Variants in ADAMTS5 observed in about 807,000 individuals in gnomAD.
ADAMTS5 encodes the protein A disintegrin and metalloproteinase with thrombospondin motifs 5.
In ADAMTS5, 54 loss-of-function variants were observed where a neutral mutation model predicts 81.4. The observed-to-expected ratio is 0.66, with a 90% confidence interval of 0.53 to 0.83. The LOEUF (loss-of-function observed/expected upper bound fraction) is 0.83. Among genes scored for constraint, ADAMTS5 ranks in the 40% least tolerant of loss-of-function variants. ADAMTS5 has a pLI of 0.00. For synonymous variants in ADAMTS5, 532 were observed against 508.8 expected (o/e 1.05, Z -0.61); for missense variants, 1,194 against 1,229.9 (o/e 0.97, Z 0.44).
At position 26,924,231 on chromosome 21, in the gene ADAMTS5, G is replaced by T. The variant is rs777947968; in HGVS notation, c.2615C>A (p.Ser872Ter). 27 of 1,614,196 alleles carry T rather than the reference G, an allele frequency of 1.7e-5. No individual in the cohort carries two copies. The African/African-American group carries it at 3.5e-4, about 21-fold the overall frequency. ...GACCCACTGCGGCTGCGAAGTGTGT[G>T]ATCCCACTTTATTGCTGCCATGACT... ...VTSHGSNKVG[S>*]HTSQPQWVTG... The change falls in exon 8 of 8, where the codon TCA (serine) becomes TAA (stop). Residue 872 changes from serine to a stop codon, truncating the protein, a stop_gained. Coordinates refer to ENST00000284987, the MANE Select transcript of ADAMTS5 (RefSeq NM_007038.5). LOFTEE classifies it high-confidence loss of function.
chr21:26,932,464 A>G (rs1003817059), intron 5 of ADAMTS5, among the ~76,000 whole-genome samples: 8 of 152,072 alleles, frequency 5.3e-5, no homozygotes, highest in African/African-American at 1.9e-4. Context: ...GGGGCCGAGG[A>G]GGGTGGATCA....
chr21:26,923,969 G>C lies in ADAMTS5; in HGVS notation c.*84C>G, dbSNP rs1034272749. ...ATGTCACTGAAGCATGACTTTCTGTGCGTTAGGTAGACCTCCTGTTCACCA... is the reference window on the plus strand; with the variant it reads ...ATGTCACTGAAGCATGACTTTCTGTCCGTTAGGTAGACCTCCTGTTCACCA... On this transcript the variant is annotated 3_prime_UTR_variant, in exon 8 of 8. Coordinates refer to ENST00000284987, the MANE Select transcript of ADAMTS5 (RefSeq NM_007038.5). The C allele has an allele frequency of 7.3e-6, 10 of 1,364,936 alleles. No individual in the cohort carries two copies. In the East Asian group the frequency reaches 2.4e-4, roughly 32 times the overall value. The allele number at this position is 1,364,936 out of a possible 1,614,324, so 84.6% of individuals were successfully genotyped here. A position where few individuals can be genotyped will look rare whatever the true frequency, so the allele number is the denominator to read the frequency against.
Position 26,965,803 on chromosome 21 carries a change from C to G in ADAMTS5, c.589G>C (p.Gly197Arg). 6.2e-7 allele frequency: 1 copy of G among 1,607,218 alleles called. No homozygotes were observed. ...GGCGGCAGGGCCTCGAAGCTGAAGC[C>G]CTCGCGGGTGTAGACGTGCAGGATC... is the stretch of plus-strand genomic sequence containing the variant. ...ARILHVYTRE[G>R]FSFEALPPRA... is the part of the protein sequence containing the mutation. Residue 197 changes from glycine (G) to arginine (R), a missense_variant, in exon 1 of 8, where the codon GGC (glycine) becomes CGC (arginine). Gly to Arg is a moderately radical substitution (Grantham distance 125). Coordinates refer to ENST00000284987, the MANE Select transcript of ADAMTS5 (RefSeq NM_007038.5).
At chr21:26,957,751 A>G (rs1429856656) in intron 1 of ADAMTS5, among the ~76,000 whole-genome samples, 1 of 152,182 alleles carries the variant, frequency 6.6e-6, no homozygotes, top group Non-Finnish European at 1.5e-5. Flanking sequence ...GTTTTGTGGT[A>G]TGGTGTTGGC....
chr21:26,932,870 G>C lies in ADAMTS5; in HGVS notation c.1864C>G (p.Pro622Ala). 4 of 1,608,476 alleles carry C rather than the reference G, an allele frequency of 2.5e-6. No individual in the cohort carries two copies. Among genetic ancestry groups the C allele is most frequent in the Non-Finnish European group, 3.4e-6 (4 of 1,178,070 alleles). The change falls in exon 5 of 8, where the codon CCA becomes GCA. Residue 622 changes from proline (P) to alanine (A), a missense_variant. Physicochemically the swap from Pro to Ala is conservative, Grantham distance 27 (BLOSUM62 -1). Around this residue, in one of 2 missense-constraint regions of ADAMTS5, gnomAD observed 696 missense variants for 817.6 expected, o/e 0.85. Coordinates refer to ENST00000284987, the MANE Select transcript of ADAMTS5 (RefSeq NM_007038.5). ...IYRSCSLMPCPPNGKSFRHEQ... is the reference protein window; with the variant it reads ...IYRSCSLMPCAPNGKSFRHEQ... ...CTTGGGAGCAGCGTACCATTGGGTG[G>C]GCAGGGCATGAGACTGCAGGAGCGG...
chr21:26,966,188 G>A lies in ADAMTS5; in HGVS notation c.204C>T (p.Arg68=), dbSNP rs1351794980. 3 of 1,599,810 alleles carry A rather than the reference G, an allele frequency of 1.9e-6. No individual in the cohort carries two copies. The highest frequency in any genetic ancestry group is 8.5e-7 in the Non-Finnish European group (1 of 1,173,272). The change falls in exon 1 of 8, where the codon CGC becomes CGT. Residue 68 remains arginine (R), a synonymous_variant. Transcript: ENST00000284987. The stretch of plus-strand genomic sequence containing the variant: ...TGTTCTGCACCAGCCCCTTGCTCCT[G>A]CGCCGCTGCGCCAGGGGGTGCGGGT... ...PGHPHPLAQR[R]RSKGLVQNID...
At chr21:26,957,420 G>A (rs1987447549) in intron 1 of ADAMTS5, among the ~76,000 whole-genome samples, 1 of 144,768 alleles carries the variant, frequency 6.9e-6, no homozygotes, top group Non-Finnish European at 1.5e-5. Context: ...ACGGATATGT[G>A]TGTGTGTCTA....
intron 2 of ADAMTS5, among the ~76,000 whole-genome samples, chr21:26,949,124 C>A (rs940297228): frequency 6.7e-6 from 1 of 148,226 alleles, no homozygotes; most frequent in Non-Finnish European, 1.5e-5. Flanking sequence ...TATGAGTATT[C>A]TAGTAATCAG....
rs138256738 is a variant in ADAMTS5 at position 26,918,935 on chromosome 21, A to T, written c.*5118T>A. 25 of 152,056 alleles carry T rather than the reference A, an allele frequency of 1.6e-4. No homozygotes were observed. The highest frequency in any genetic ancestry group is 6.0e-4 in the African/African-American group (25 of 41,522). The allele number at this position is 152,056 out of a possible 1,614,324, so 9.4% of individuals were successfully genotyped here. Reference sequence around the variant, plus strand: ...CTCCTCAAATTTTAATGACCCCTTAAATGTCCTCAGATGCACATGCAGTTT... The same window carrying T: ...CTCCTCAAATTTTAATGACCCCTTATATGTCCTCAGATGCACATGCAGTTT... On this transcript the variant is annotated 3_prime_UTR_variant, in exon 8 of 8. Transcript: ENST00000284987.
intron 2 of ADAMTS5, among the ~76,000 whole-genome samples, chr21:26,947,118 A>G (rs1376410424): frequency 6.6e-6 from 1 of 152,248 alleles, no homozygotes; most frequent in East Asian, 1.9e-4. Flanking sequence ...TATAATCAGC[A>G]GACATGCAAA....
At position 26,919,096 on chromosome 21, in the gene ADAMTS5, G is replaced by A. The variant is rs1986637751; in HGVS notation, c.*4957C>T. ...AACTGTAAAATCATGTAGAAAAATAGTAACTCAAAAATACCACATTTGACA... is the reference window on the plus strand; with the variant it reads ...AACTGTAAAATCATGTAGAAAAATAATAACTCAAAAATACCACATTTGACA... On this transcript the variant is annotated 3_prime_UTR_variant, in exon 8 of 8. Coordinates refer to ENST00000284987, the MANE Select transcript of ADAMTS5 (RefSeq NM_007038.5). The A allele has an allele frequency of 1.3e-5, 2 of 151,974 alleles. No homozygotes were observed. Among genetic ancestry groups the A allele is most frequent in the Non-Finnish European group, 2.9e-5 (2 of 67,938 alleles). The allele number at this position is 151,974 out of a possible 1,614,324, so 9.4% of individuals were successfully genotyped here.
chr21:26,957,835 C>T (rs1332997749), intron 1 of ADAMTS5, among the ~76,000 whole-genome samples: 1 of 152,014 alleles, frequency 6.6e-6, no homozygotes, highest in Admixed American at 6.5e-5. Flanking sequence ...AGCAGAGATT[C>T]GATAGGAAGG....
At chr21:26,946,923 G>A (rs1987226676) in intron 2 of ADAMTS5, among the ~76,000 whole-genome samples, 1 of 152,104 alleles carries the variant, frequency 6.6e-6, no homozygotes, top group Non-Finnish European at 1.5e-5. Context: ...AGAGAAGGGT[G>A]GGGAGGACTG....
At position 26,924,562 on chromosome 21, in the gene ADAMTS5, G is replaced by C; in HGVS notation, c.2284C>G (p.Gln762Glu). 2 of 1,614,080 alleles carry C rather than the reference G, an allele frequency of 1.2e-6. No homozygotes were observed. Among genetic ancestry groups the C allele is most frequent in the Non-Finnish European group, 1.7e-6 (2 of 1,180,014 alleles). The change falls in exon 8 of 8, where the codon CAG becomes GAG. Residue 762 changes from glutamine to glutamate, a missense_variant. By Grantham distance (29) the Gln-to-Glu change is conservative (BLOSUM62 2). Coordinates refer to ENST00000284987, the MANE Select transcript of ADAMTS5 (RefSeq NM_007038.5). The part of the protein sequence containing the change: ...PEGATHIKVR[Q>E]FKAKDQTRFT... Reference sequence around the variant, plus strand: ...CTAGTCTGGTCTTTGGCTTTGAACTGTCGAACTTTTATGTGGGTTGCCCCT... The same window carrying C: ...CTAGTCTGGTCTTTGGCTTTGAACTCTCGAACTTTTATGTGGGTTGCCCCT...
At chr21:26,940,527 T>C (rs1474866372) in intron 3 of ADAMTS5, among the ~76,000 whole-genome samples, 2 of 152,190 alleles carry the variant, frequency 1.3e-5, no homozygotes, top group African/African-American at 4.8e-5. Flanking sequence ...TTAAATAATA[T>C]CATTTCTTGT....
chr21:26,924,456 G>A lies in ADAMTS5; in HGVS notation c.2390C>T (p.Thr797Ile), dbSNP rs1247633036. The A allele has an allele frequency of 5.0e-6, 8 of 1,614,088 alleles. No individual in the cohort carries two copies. Among genetic ancestry groups the A allele is most frequent in the Non-Finnish European group, 6.8e-6 (8 of 1,180,044 alleles). The change falls in exon 8 of 8, where the codon ACT (threonine) becomes ATT (isoleucine). Residue 797 changes from threonine (T) to isoleucine (I), a missense_variant. Physicochemically the swap from Thr to Ile is moderately conservative, Grantham distance 89 (BLOSUM62 -1). Transcript: ENST00000284987. The part of the protein sequence containing the change: ...NGKYMISTSE[T>I]IIDINGTVMN... Reference sequence around the variant, plus strand: ...GACTGTTCCATTGATGTCAATGATAGTCTCTGAAGTGGAGATCATGTACTT... The same window carrying A: ...GACTGTTCCATTGATGTCAATGATAATCTCTGAAGTGGAGATCATGTACTT...
Position 26,933,057 on chromosome 21 carries a change from A to T in ADAMTS5, c.1690-13T>A. On this transcript the variant is annotated splice_polypyrimidine_tract_variant and intron_variant, in intron 4 of 7. Coordinates refer to ENST00000284987, the MANE Select transcript of ADAMTS5 (RefSeq NM_007038.5). ...CATGGCTTGACGTCTGAAATAGAGA[A>T]TAGAATATATTTTAACTCCAATGAG... The T allele has an allele frequency of 6.2e-7, 1 of 1,601,842 alleles. No homozygotes were observed. The highest frequency in any genetic ancestry group is 8.5e-7 in the Non-Finnish European group (1 of 1,176,026).
intron 1 of ADAMTS5, among the ~76,000 whole-genome samples, chr21:26,964,346 T>C (rs1186795714): frequency 6.6e-6 from 1 of 152,172 alleles, no homozygotes; most frequent in Non-Finnish European, 1.5e-5. Context: ...ACTGTGTAAA[T>C]AGATACTGCG....
chr21:26,928,423 T>G (rs1275528019), intron 7 of ADAMTS5, among the ~76,000 whole-genome samples: 1 of 152,174 alleles, frequency 6.6e-6, no homozygotes, highest in East Asian at 1.9e-4. Flanking sequence ...CTTTTTCATG[T>G]GAAAAAATGT....
Sources: gnomAD v4.1 joint callset for allele counts (sites outside exome capture counted in the v4.1 genomes callset) on GRCh38, gnomAD v4.1.1 for gene constraint, gnomAD v4.1.1 regional missense constraint, MANE v1.5 for transcripts, NCBI Gene and HGNC (gene_info 2026-07-23, HGNC 2026-07-21) for gene names.